AK9: variants seen among roughly 807,000 people sequenced by gnomAD.
AK9 encodes adenylate kinase domain containing 1.
In AK9, 191 loss-of-function variants were observed where a neutral mutation model predicts 239.6. That is an observed-to-expected ratio of 0.80 (90% CI 0.71 to 0.90). The LOEUF (loss-of-function observed/expected upper bound fraction) is 0.90, where lower values mean the gene tolerates loss of function less well. AK9 is among the 40% of genes least tolerant of loss of function. AK9 has a pLI of 0.00. For missense variants in AK9, 1,995 were observed against 2,214.7 expected (o/e 0.90, Z 1.99); for synonymous variants, 689 against 721.0 (o/e 0.96, Z 0.71).
chr6:109,664,249 AAG>A (rs527587403), intron 5 of AK9, among the ~76,000 whole-genome samples: 103 of 152,288 alleles, frequency 6.8e-4, no homozygotes, highest in South Asian at 2.1e-4. Flanking sequence ...TTATTAGTGT[AAG>A]AGAGTCTTGT....
chr6:109,537,310 A>G (rs780735419), intron 27 of AK9, among the ~76,000 whole-genome samples: 1 of 151,966 alleles, frequency 6.6e-6, no homozygotes, highest in Non-Finnish European at 1.5e-5. Flanking sequence ...CAGGGATTCA[A>G]CTTCTTCCTA....
chr6:109,537,696 T>C (rs1340251070), intron 27 of AK9, among the ~76,000 whole-genome samples: 3 of 152,064 alleles, frequency 2.0e-5, no homozygotes, highest in Admixed American at 6.6e-5. Context: ...ATTGTGATGA[T>C]AGGGTGTCAA....
rs151316525 is a variant in AK9, at chr6:109,545,948, G to C, written c.3144C>G (p.Asn1048Lys). ...VGPEFEEDSENEQAAKQELEE... is the reference protein window; with the variant it reads ...VGPEFEEDSEKEQAAKQELEE... ...CAAGTTCTTGTTTGGCAGCTTGCTC[G>C]TTCTCAGAATCTTCCTCAAATTCAG... The change falls in exon 26 of 41, where the codon AAC (asparagine) becomes AAG (lysine). Residue 1048 changes from asparagine to lysine, a missense_variant. Coordinates refer to ENST00000424296, the MANE Select transcript of AK9 (RefSeq NM_001145128.3). The C allele has an allele frequency of 2.5e-6, 4 of 1,614,004 alleles. No homozygotes were observed. In the African/African-American group the frequency reaches 5.3e-5, roughly 22 times the overall value.
chr6:109,535,068 G>A (rs965394944), intron 27 of AK9, among the ~76,000 whole-genome samples: 3 of 152,142 alleles, frequency 2.0e-5, no homozygotes, highest in South Asian at 2.1e-4. Context: ...ATAAACATAC[G>A]TGTGCATGTG....
chr6:109,585,303 G>T (rs17070743), intron 18 of AK9, 66 bp from the exon 19 acceptor site: 10,716 of 563,532 alleles, frequency 0.019, 241 homozygotes, highest in East Asian at 0.13. Flanking sequence ...GATGTATTTT[G>T]AAGATTAACA....
At chr6:109,573,768 T>C (rs1234017385) in intron 20 of AK9, among the ~76,000 whole-genome samples, 174 bp from the exon 21 acceptor site, 1 of 152,186 alleles carries the variant, frequency 6.6e-6, no homozygotes, top group Non-Finnish European at 1.5e-5. Context: ...TATTCACATG[T>C]AGTGGTAAAG....
At chr6:109,534,242 AG>A (rs1781666250) in intron 27 of AK9, among the ~76,000 whole-genome samples, 1 of 150,360 alleles carries the variant, frequency 6.7e-6, no homozygotes, top group Non-Finnish European at 1.5e-5. Flanking sequence ...AGAAAAAAAA[AG>A]AATCAGGATA....
At chr6:109,554,206 T>G (rs1291933786) in intron 24 of AK9, among the ~76,000 whole-genome samples, 3 of 151,882 alleles carry the variant, frequency 2.0e-5, no homozygotes, top group African/African-American at 7.2e-5. Flanking sequence ...AGGCTGATGC[T>G]TCATAAAATG....
intron 13 of AK9, among the ~76,000 whole-genome samples, chr6:109,616,163 AAG>A (rs146630641): frequency 2.6e-4 from 39 of 152,294 alleles, no homozygotes; most frequent in African/African-American, 9.4e-4. Context: ...GTATTGGAAA[AAG>A]AGGGGTTTAA....
In AK9 at chr6:109,644,690, T is replaced by C; in HGVS notation, c.760-2A>G. The C allele has an allele frequency of 6.2e-7, 1 of 1,607,886 alleles. No homozygotes were observed. The highest frequency in any genetic ancestry group is 8.5e-7 in the Non-Finnish European group (1 of 1,178,382). On this transcript the variant is annotated splice_acceptor_variant, in intron 8 of 40. Coordinates refer to ENST00000424296, the MANE Select transcript of AK9 (RefSeq NM_001145128.3). LOFTEE classifies it high-confidence loss of function. ...GGGATTGTGTTCAGCCATTACTTCCTGCAGATAATAGAAAAGAAACTTTAT... is the reference window on the plus strand; with the variant it reads ...GGGATTGTGTTCAGCCATTACTTCCCGCAGATAATAGAAAAGAAACTTTAT...
At chr6:109,532,300 A>C (rs532265473) in intron 28 of AK9, among the ~76,000 whole-genome samples, 214 of 152,194 alleles carry the variant, frequency 1.4e-3, no homozygotes, top group African/African-American at 5.1e-3. Context: ...CCTTCCTCCT[A>C]CCAATGGTAG....
At chr6:109,601,829 T>C (rs1174829846) in intron 17 of AK9, among the ~76,000 whole-genome samples, 3 of 2,348 alleles carry the variant, frequency 1.3e-3, no homozygotes, top group Non-Finnish European at 1.5e-3. Flanking sequence ...TTTACCATTA[T>C]GCAATGACCT....
intron 25 of AK9, chr6:109,549,864 C>G: frequency 2.9e-6 from 1 of 350,024 alleles, no homozygotes; most frequent in Non-Finnish European, 5.2e-6. Flanking sequence ...CGGGGTTTCA[C>G]CGTGTCAGCC....
intron 32 of AK9, among the ~76,000 whole-genome samples, chr6:109,511,376 G>A (rs1293832943): frequency 6.6e-6 from 1 of 152,164 alleles, no homozygotes; most frequent in African/African-American, 2.4e-5. Flanking sequence ...AGCCTATGAG[G>A]AATTTTTCTT....
At chr6:109,597,629 C>A (rs184506518) in intron 17 of AK9, among the ~76,000 whole-genome samples, 4 of 151,922 alleles carry the variant, frequency 2.6e-5, no homozygotes, top group Admixed American at 2.6e-4. Context: ...GCCGAGATGG[C>A]GCCACTGCAT....
intron 38 of AK9, 97 bp downstream of exon 38, chr6:109,497,362 ACTCTCT>A (rs761117338): frequency 3.7e-4 from 183 of 500,438 alleles, no homozygotes; most frequent in African/African-American, 3.5e-3. Context: ...ACACACACAC[ACTCTCT>A]CTCTCTCTCT....
rs1206373534 is a variant in AK9 at position 109,564,188 on chromosome 6, T to C, written c.2527A>G (p.Lys843Glu). The C allele has an allele frequency of 1.3e-6, 2 of 1,551,386 alleles. No individual in the cohort carries two copies. The highest frequency in any genetic ancestry group is 2.7e-5 in the African/African-American group (2 of 73,048). Residue 843 changes from lysine (K) to glutamate (E), a missense_variant, in exon 23 of 41, where the codon AAA (lysine) becomes GAA (glutamate). Around this residue, in one of 5 missense-constraint regions of AK9, gnomAD observed 1,290 missense variants for 1,392.7 expected, o/e 0.93. Transcript: ENST00000424296. The part of the protein sequence containing the change: ...EKIGSFIILW[K>E]QLEATISEAY... ...TCACTAATTGTTGCTTCTAGCTGTT[T>C]CCAGAGGATGATGAAAGAACCAATC...
At chr6:109,683,460 T>C (rs943778671) in intron 1 of AK9, among the ~76,000 whole-genome samples, 8 of 152,190 alleles carry the variant, frequency 5.3e-5, no homozygotes, top group Non-Finnish European at 2.9e-5. Context: ...AGTCAAATTG[T>C]CTCTGTTTGC....
intron 35 of AK9, among the ~76,000 whole-genome samples, chr6:109,499,924 G>T (rs1047206981): frequency 2.6e-5 from 4 of 151,734 alleles, no homozygotes; most frequent in African/African-American, 9.7e-5. Context: ...CTTTTTAATC[G>T]ATGCATAGTA....
Sources: gnomAD v4.1 joint callset for allele counts (sites outside exome capture counted in the v4.1 genomes callset) on GRCh38, gnomAD v4.1.1 for gene constraint, gnomAD v4.1.1 regional missense constraint, MANE v1.5 for transcripts, NCBI Gene and HGNC (gene_info 2026-07-23, HGNC 2026-07-21) for gene names.